Variants in CNNM4 observed in about 807,000 individuals in gnomAD.
CNNM4 encodes metal transporter CNNM4.
CNNM4 carries 32 observed loss-of-function variants against 53.7 expected under a neutral mutation model. The ratio of observed to expected loss-of-function variants is 0.60; its 90% CI spans 0.45 to 0.80. The LOEUF (loss-of-function observed/expected upper bound fraction) is 0.80. Ranked by LOEUF, CNNM4 falls within the 30% of genes least tolerant of loss-of-function variation. The probability of loss-of-function intolerance (pLI) is 0.00; values close to 1 mark genes in which losing one functional copy is unlikely to be tolerated. For synonymous variants in CNNM4, 410 were observed against 440.0 expected, an observed-to-expected ratio of 0.93 and a Z score of 0.85; for missense variants, 784 against 1,022.0, an observed-to-expected ratio of 0.77 and a Z score of 3.17.
intron 1 of CNNM4, among the ~76,000 whole-genome samples, chr2:96,772,318 C>T (rs2078880766): frequency 7.0e-6 from 1 of 142,462 alleles, no homozygotes; most frequent in African/African-American, 2.6e-5. Flanking sequence ...CTACTCCCAC[C>T]CGTGCGCACA....
chr2:96,799,695 C>A, intron 5 of CNNM4, 47 bp downstream of exon 5: 1 of 1,442,700 alleles, frequency 6.9e-7, no homozygotes, highest in Non-Finnish European at 9.5e-7. Flanking sequence ...CCCCCTGCAG[C>A]TGGGGAGCCA....
chr2:96,796,903 G>C, intron 1 of CNNM4, 109 bp from the exon 2 acceptor site: 2 of 1,113,002 alleles, frequency 1.8e-6, no homozygotes, highest in South Asian at 2.7e-5. Flanking sequence ...AAACCACCAT[G>C]ACCCCATCCT....
chr2:96,796,131 CTTTT>C (rs796494842), intron 1 of CNNM4, among the ~76,000 whole-genome samples: 37 of 50,666 alleles, frequency 7.3e-4, no homozygotes, highest in African/African-American at 2.5e-3. Flanking sequence ...CAGACAGGGT[CTTTT>C]TTTTTTTTTT....
intron 5 of CNNM4, among the ~76,000 whole-genome samples, chr2:96,805,439 T>TA (rs1558997446): frequency 1.4e-4 from 18 of 129,364 alleles, no homozygotes; most frequent in Admixed American, 3.7e-4. Flanking sequence ...TTTTTTTTTT[T>TA]ATTATTTTTT....
At position 96,801,929 on chromosome 2, in the gene CNNM4, A is replaced by C. The variant is rs2079163067; in HGVS notation, c.1948+2281A>C. Among the ~76,000 whole-genome samples the C allele has an allele frequency of 6.6e-6, 1 of 151,508 alleles. No individual in the cohort carries two copies. Reference sequence around the variant, plus strand: ...ACACATAGATACACCACTCATAGACACACAAACACACACCCATAGGCACAC... The same window carrying C: ...ACACATAGATACACCACTCATAGACCCACAAACACACACCCATAGGCACAC... On this transcript the variant is annotated intron_variant, in intron 5 of 6. Transcript: ENST00000377075. This position sits in a 1 kb window ranked among gnomAD's most constrained non-coding sequence, Gnocchi z 5.6.
Position 96,762,421 on chromosome 2 carries a change from C to T in CNNM4, c.1402+20C>T, listed in dbSNP as rs754695758. On this transcript the variant is annotated intron_variant, in intron 1 of 6. Coordinates refer to ENST00000377075, the MANE Select transcript of CNNM4 (RefSeq NM_020184.4). ...AGAAGGGTAAGGCCAGATGTAGTTC[C>T]CCTGGTTCAATTTCCTCTTGACGCC... 1 of 1,610,074 alleles carries T rather than the reference C, an allele frequency of 6.2e-7. No homozygotes were observed. The highest frequency in any genetic ancestry group is 8.5e-7 in the Non-Finnish European group (1 of 1,176,422).
Position 96,808,594 on chromosome 2 carries a change from G to A in CNNM4, c.1982G>A (p.Arg661His), listed in dbSNP as rs368409976. 4.3e-6 allele frequency: 7 copies of A among 1,613,850 alleles called. No homozygotes were observed. The highest frequency in any genetic ancestry group is 2.2e-5 in the East Asian group (1 of 44,874). The change falls in exon 6 of 7, where the codon CGC becomes CAC. Residue 661 changes from arginine (R) to histidine (H), a missense_variant. Transcript: ENST00000377075. This position sits in a 1 kb window ranked among gnomAD's most constrained non-coding sequence, Gnocchi z 4.9. Reference protein sequence around the residue: ...RSPAHPTPLSRSASLSYPDRT... With the variant: ...RSPAHPTPLSHSASLSYPDRT... Reference sequence around the variant, plus strand: ...CCAGCACACCCCACCCCACTCAGCCGCTCAGCCTCCCTCAGTTACCCAGAC... The same window carrying A: ...CCAGCACACCCCACCCCACTCAGCCACTCAGCCTCCCTCAGTTACCCAGAC...
rs375146313 is a variant in CNNM4 at position 96,809,334 on chromosome 2, G to A, written c.2145G>A (p.Gln715=). 16 of 1,614,022 alleles carry A rather than the reference G, an allele frequency of 9.9e-6. No individual in the cohort carries two copies. The African/African-American group carries it at 1.6e-4, about 16-fold the overall frequency. Reference sequence around the variant, plus strand: ...TCCTCATGCAGATCACTCGGCAGCAGTACCAGAACGGGCTGCTGGCTTCTC... The same window carrying A: ...TCCTCATGCAGATCACTCGGCAGCAATACCAGAACGGGCTGCTGGCTTCTC... The part of the protein sequence containing the change: ...DLQYIKITRQ[Q]YQNGLLASRM... The change falls in exon 7 of 7, where the codon CAG becomes CAA. Residue 715 remains glutamine (Q), a synonymous_variant. Transcript: ENST00000377075.
chr2:96,806,122 C>T (rs1269827561), intron 5 of CNNM4, among the ~76,000 whole-genome samples: 12 of 146,688 alleles, frequency 8.2e-5, no homozygotes, highest in Middle Eastern at 3.5e-3. Flanking sequence ...GCTGGCCGGG[C>T]GGGGGGCTGA....
At chr2:96,784,044 C>T (rs1017677488) in intron 1 of CNNM4, among the ~76,000 whole-genome samples, 8 of 152,026 alleles carry the variant, frequency 5.3e-5, no homozygotes, top group Non-Finnish European at 7.4e-5. Context: ...AGTTTTCTTC[C>T]TTCCACTTTT....
chr2:96,785,267 T>A (rs2079007187), intron 1 of CNNM4, among the ~76,000 whole-genome samples: 1 of 152,190 alleles, frequency 6.6e-6, no homozygotes, highest in Non-Finnish European at 1.5e-5. Flanking sequence ...TGTGCCTCCA[T>A]TCAATCAAAA....
chr2:96,776,669 G>A lies in CNNM4; in HGVS notation c.1402+14268G>A, dbSNP rs1038629603. ...CGCTCTCTCGCCCAGCCTGGAGTGC[G>A]GTGATGCATCTCGGCTCACTGCAAC... On this transcript the variant is annotated intron_variant, in intron 1 of 6. Transcript: ENST00000377075. 5.3e-5 allele frequency among the ~76,000 whole-genome samples: 8 copies of A among 152,240 alleles called. No individual in the cohort carries two copies. In the South Asian group the frequency reaches 1.2e-3, roughly 24 times the overall value.
At chr2:96,774,656 G>T (rs961984547) in intron 1 of CNNM4, among the ~76,000 whole-genome samples, 8 of 152,094 alleles carry the variant, frequency 5.3e-5, no homozygotes, top group South Asian at 2.1e-4. Flanking sequence ...CTTGCAGTGA[G>T]ATTGTAGCTG....
At chr2:96,773,706 G>A (rs557050779) in intron 1 of CNNM4, among the ~76,000 whole-genome samples, 5 of 152,148 alleles carry the variant, frequency 3.3e-5, no homozygotes, top group East Asian at 1.9e-4. Context: ...AGCTGGATGC[G>A]GTGGCGTGTG....
rs764792215 is a variant in CNNM4 at position 96,761,119 on chromosome 2, C to T, written c.120C>T (p.Ser40=). 5.1e-6 allele frequency: 8 copies of T among 1,579,274 alleles called. No individual in the cohort carries two copies. Among genetic ancestry groups the T allele is most frequent in the South Asian group, 2.3e-5 (2 of 86,726 alleles). Residue 40 remains serine (S), a synonymous_variant, in exon 1 of 7, where the codon AGC becomes AGT. Transcript: ENST00000377075. This position sits in a 1 kb window ranked among gnomAD's most constrained non-coding sequence, Gnocchi z 6.0. ...CGCTGGGGGCCCGGGGCCAGGGCAG[C>T]CCCCAGCAGGGCACGATCGTGGGCA... The part of the protein sequence containing the change: ...LWALGARGQG[S]PQQGTIVGMR...
rs553306756 is a variant in CNNM4 at position 96,800,267 on chromosome 2, A to G, written c.1948+619A>G. 1.3e-5 allele frequency among the ~76,000 whole-genome samples: 2 copies of G among 152,080 alleles called. No individual in the cohort carries two copies. The highest frequency in any genetic ancestry group is 6.5e-5 in the Admixed American group (1 of 15,282). ...TGAGTGGCTCAGGCTTTCCCCGCAG[A>G]GCCCCACAGACAAGGCCCCGCAGGC... is the stretch of plus-strand genomic sequence containing the variant. On this transcript the variant is annotated intron_variant, in intron 5 of 6. Coordinates refer to ENST00000377075, the MANE Select transcript of CNNM4 (RefSeq NM_020184.4). The surrounding 1 kb of genome is among the most constrained non-coding windows in gnomAD (Gnocchi z 4.6).
chr2:96,774,420 T>A (rs933451905), intron 1 of CNNM4, among the ~76,000 whole-genome samples: 10 of 151,956 alleles, frequency 6.6e-5, no homozygotes, highest in African/African-American at 9.7e-5. Flanking sequence ...TGTTTAAAAA[T>A]TTTTTTTAAA....
At chr2:96,793,984 CAG>C (rs1183368701) in intron 1 of CNNM4, among the ~76,000 whole-genome samples, 1 of 152,118 alleles carries the variant, frequency 6.6e-6, no homozygotes, top group Non-Finnish European at 1.5e-5. Flanking sequence ...AAAATAAAAA[CAG>C]AGAGAGGCCA....
intron 4 of CNNM4, 112 bp from the exon 5 acceptor site, chr2:96,799,440 A>G: frequency 8.7e-7 from 1 of 1,148,458 alleles, no homozygotes; most frequent in Non-Finnish European, 1.3e-6. Context: ...CCAGGGCTCC[A>G]GTACCGGCCC....
Sources: allele counts gnomAD v4.1 joint callset (sites outside exome capture counted in the v4.1 genomes callset), GRCh38; gene constraint gnomAD v4.1.1; non-coding constraint Gnocchi (gnomAD v3.1); transcripts MANE v1.5; gene names NCBI Gene and HGNC (gene_info 2026-07-23, HGNC 2026-07-21).